The following MYO1E variants were observed in gnomAD, a reference collection of about 807,000 sequenced individuals.
The protein encoded by MYO1E is unconventional myosin-Ie.
A neutral mutation model predicts 151.1 loss-of-function variants in MYO1E; 68 were observed. The observed-to-expected ratio is 0.45, with a 90% CI of 0.37 to 0.55. The LOEUF (loss-of-function observed/expected upper bound fraction) is 0.55, where lower values mean the gene tolerates loss of function less well. MYO1E is among the 20% of genes least tolerant of loss of function. MYO1E has a pLI of 0.00. For missense variants in MYO1E, 1,363 were observed against 1,389.3 expected (o/e 0.98, Z 0.30); for synonymous variants, 601 against 501.7 (o/e 1.20, Z -2.64).
intron 25 of MYO1E, among the ~76,000 whole-genome samples, chr15:59,154,717 T>G (rs1320743811): frequency 3.3e-5 from 5 of 152,160 alleles, no homozygotes; most frequent in African/African-American, 1.2e-4. Flanking sequence ...AGCAAGAGAG[T>G]TGATCTTTCA....
intron 2 of MYO1E, among the ~76,000 whole-genome samples, chr15:59,265,759 C>T (rs1298539678): frequency 1.4e-5 from 2 of 142,638 alleles, no homozygotes; most frequent in Non-Finnish European, 3.0e-5. Context: ...AGTTCGAGAC[C>T]AGCCTGGGCA....
At chr15:59,151,694 CTT>C (rs1433381119) in intron 26 of MYO1E, among the ~76,000 whole-genome samples, 1 of 151,906 alleles carries the variant, frequency 6.6e-6, no homozygotes, top group African/African-American at 2.4e-5. Flanking sequence ...GGGTGGATTA[CTT>C]GAGGTCAGGA....
chr15:59,372,363 T>G, intron 1 of MYO1E, 135 bp downstream of exon 1: 1 of 1,094,162 alleles, frequency 9.1e-7, no homozygotes, highest in Non-Finnish European at 1.3e-6. Flanking sequence ...AAATCAGAGC[T>G]CGCGACGTGC....
intron 1 of MYO1E, among the ~76,000 whole-genome samples, chr15:59,312,405 TG>T (rs1344816581): frequency 1.3e-5 from 2 of 152,148 alleles, no homozygotes; most frequent in Non-Finnish European, 2.9e-5. Flanking sequence ...ACTCAGCCAC[TG>T]GGACGAGGGG....
intron 4 of MYO1E, among the ~76,000 whole-genome samples, chr15:59,241,315 C>G (rs373589010): frequency 6.6e-6 from 1 of 152,104 alleles, no homozygotes; most frequent in African/African-American, 2.4e-5. Context: ...TAGCAAACAG[C>G]AAGATCTCGT....
chr15:59,338,714 G>T (rs919034851), intron 1 of MYO1E, among the ~76,000 whole-genome samples: 45 of 152,158 alleles, frequency 3.0e-4, no homozygotes, highest in African/African-American at 1.0e-3. Flanking sequence ...AACCCATTTG[G>T]GTAAAAATTT....
At chr15:59,193,838 A>C (rs1410135016) in intron 17 of MYO1E, among the ~76,000 whole-genome samples, 4 of 152,188 alleles carry the variant, frequency 2.6e-5, no homozygotes, top group African/African-American at 9.6e-5. Context: ...TGTAGAAGGA[A>C]TCTGACTACA....
chr15:59,194,535 G>A (rs1596359733), intron 17 of MYO1E, among the ~76,000 whole-genome samples: 1 of 152,138 alleles, frequency 6.6e-6, no homozygotes, highest in African/African-American at 2.4e-5. Flanking sequence ...AGCTAAACCT[G>A]GAGTTCTTCA....
intron 1 of MYO1E, among the ~76,000 whole-genome samples, chr15:59,322,107 G>A (rs1415214788): frequency 6.6e-6 from 1 of 151,548 alleles, no homozygotes; most frequent in Non-Finnish European, 1.5e-5. Flanking sequence ...CCTGGGAGGT[G>A]GAGGTTGCAG....
chr15:59,298,871 G>A (rs1282612940), intron 1 of MYO1E, among the ~76,000 whole-genome samples: 1 of 152,174 alleles, frequency 6.6e-6, no homozygotes, highest in African/African-American at 2.4e-5. Flanking sequence ...TTCCACAAGG[G>A]AATCTGCTGC....
intron 1 of MYO1E, among the ~76,000 whole-genome samples, chr15:59,281,013 G>A (rs1418879852): frequency 1.3e-5 from 2 of 152,068 alleles, no homozygotes; most frequent in African/African-American, 4.8e-5. Context: ...AGAGGATGAG[G>A]ACAAGGGTCC....
intron 1 of MYO1E, among the ~76,000 whole-genome samples, chr15:59,360,883 G>T (rs986505490): frequency 1.3e-5 from 2 of 152,250 alleles, no homozygotes; most frequent in Non-Finnish European, 2.9e-5. Flanking sequence ...AGAAAAGGTT[G>T]AGGGTAGGGA....
Position 59,227,459 on chromosome 15 carries a change from C to T in MYO1E, c.642G>A (p.Gln214=). Residue 214 remains glutamine, a splice_region_variant and synonymous_variant, in exon 7 of 28, where the codon CAG becomes CAA. Transcript: ENST00000288235. ...PGERSFHIFY[Q]LIEGASAEQK... The stretch of plus-strand genomic sequence containing the variant: ...GTAGGAAAAAAGTAAACAGGAAAAC[C>T]TGGTAAAATATGTGAAAACTCCGCT... 6.2e-7 allele frequency: 1 copy of T among 1,614,090 alleles called. No homozygotes were observed. Among genetic ancestry groups the T allele is most frequent in the African/African-American group, 1.3e-5 (1 of 75,016 alleles).
intron 15 of MYO1E, 94 bp from the exon 16 acceptor site, chr15:59,202,501 C>T: frequency 4.4e-6 from 5 of 1,130,438 alleles, no homozygotes; most frequent in Non-Finnish European, 6.7e-6. Flanking sequence ...GGGCCGTCCC[C>T]AGGCACATAA....
In MYO1E at chr15:59,214,833, A is replaced by C. The variant is rs1405156657; in HGVS notation, c.1108-113T>G. On this transcript the variant is annotated intron_variant, in intron 10 of 27. Coordinates refer to ENST00000288235, the MANE Select transcript of MYO1E (RefSeq NM_004998.4). ...CACGGCAAACACTACTGCTTGCAGG[A>C]AACAGAGGACAAGTGAAGGCAGGAG... The C allele has an allele frequency of 4.8e-6, 4 of 840,630 alleles. No homozygotes were observed. The East Asian group carries it at 7.3e-5, about 15-fold the overall frequency. 52.1% of individuals were successfully genotyped at this position (840,630 alleles called of 1,614,324 possible). A position where few individuals can be genotyped will look rare whatever the true frequency, so the allele number is the denominator to read the frequency against.
chr15:59,159,173 G>A lies in MYO1E; in HGVS notation c.2786-794C>T, dbSNP rs2079524502. 1.3e-5 allele frequency among the ~76,000 whole-genome samples: 2 copies of A among 152,242 alleles called. No homozygotes were observed. Among genetic ancestry groups the A allele is most frequent in the Admixed American group, 6.5e-5 (1 of 15,292 alleles). Reference sequence around the variant, plus strand: ...TGCACAGTGCAAACACAGCAAAGGAGCTGCAGCTCTAGGGCCTGGGAGAAC... The same window carrying A: ...TGCACAGTGCAAACACAGCAAAGGAACTGCAGCTCTAGGGCCTGGGAGAAC... On this transcript the variant is annotated intron_variant, in intron 24 of 27. Transcript: ENST00000288235. The surrounding 1 kb of genome is among the most constrained non-coding windows in gnomAD (Gnocchi z 4.4).
intron 1 of MYO1E, among the ~76,000 whole-genome samples, chr15:59,282,740 C>T (rs1215621979): frequency 2.7e-5 from 4 of 149,742 alleles, no homozygotes; most frequent in Admixed American, 2.0e-4. Context: ...AGGCTACTCT[C>T]GAGAGCCGGA....
chr15:59,314,466 T>G (rs928413592), intron 1 of MYO1E, among the ~76,000 whole-genome samples: 1 of 152,092 alleles, frequency 6.6e-6, no homozygotes, highest in Non-Finnish European at 1.5e-5. Context: ...CTGCAGGAGG[T>G]AGCAGCCATG....
intron 1 of MYO1E, among the ~76,000 whole-genome samples, 161 bp downstream of exon 1, chr15:59,372,337 T>A (rs1596448139): frequency 1.3e-5 from 2 of 152,166 alleles, no homozygotes; most frequent in Admixed American, 6.5e-5. Flanking sequence ...GGCCCGGGTT[T>A]ACGGAAAGCG....
Sources: gnomAD v4.1 joint callset for allele counts (sites outside exome capture counted in the v4.1 genomes callset) on GRCh38, gnomAD v4.1.1 for gene constraint, Gnocchi (gnomAD v3.1) non-coding constraint, MANE v1.5 for transcripts, NCBI Gene and HGNC (gene_info 2026-07-23, HGNC 2026-07-21) for gene names.